KLRG1: variants seen among roughly 807,000 people sequenced by gnomAD.
KLRG1 encodes the protein killer cell lectin-like receptor subfamily G member 1.
A neutral mutation model predicts 21.8 loss-of-function variants in KLRG1; 16 were observed. The observed-to-expected ratio is 0.73, with a 90% CI of 0.50 to 1.11. The LOEUF is 1.11. Ranked by LOEUF, KLRG1 falls within the 50% of genes most tolerant of loss-of-function variation. The probability of loss-of-function intolerance (pLI) is 0.00; values close to 1 mark genes in which losing one functional copy is unlikely to be tolerated. For synonymous variants in KLRG1, 69 were observed against 75.9 expected, an observed-to-expected ratio of 0.91 and a Z score of 0.47; for missense variants, 173 against 218.3, an observed-to-expected ratio of 0.79 and a Z score of 1.31.
At chr12:8,950,737 C>T (rs1285542024) in intron 1 of KLRG1, among the ~76,000 whole-genome samples, 2 of 145,200 alleles carry the variant, frequency 1.4e-5, no homozygotes, top group Non-Finnish European at 1.5e-5. Flanking sequence ...CGGTGGTGCC[C>T]GGCACTTTTG....
the KLRG1 span, chr12:9,203,895 C>G: frequency 1.2e-6 from 2 of 1,614,062 alleles, no homozygotes; most frequent in Admixed American, 1.7e-5. Context: ...CAGAAGGACA[C>G]AGCCCTTCTT....
At chr12:9,030,129 A>G in the KLRG1 span, among the ~76,000 whole-genome samples, 1 of 152,304 alleles carries the variant, frequency 6.6e-6, no homozygotes, top group Admixed American at 6.5e-5. Context: ...TGTGATAACT[A>G]ACTTGGAAGA....
the KLRG1 span, among the ~76,000 whole-genome samples, chr12:9,018,067 A>T: frequency 6.6e-6 from 1 of 152,228 alleles, no homozygotes; most frequent in Non-Finnish European, 1.5e-5. Context: ...AGTGAAAACC[A>T]TACAGTGAAA....
the KLRG1 span, chr12:9,194,195 A>C: frequency 6.2e-7 from 1 of 1,614,056 alleles, no homozygotes; most frequent in Non-Finnish European, 8.5e-7. Flanking sequence ...GATGAAGAAG[A>C]GTTTATTGGG....
the KLRG1 span, chr12:9,149,435 G>T: frequency 1.1e-6 from 1 of 920,452 alleles, no homozygotes; most frequent in Non-Finnish European, 1.6e-6. Context: ...TTTTGTCTTG[G>T]TGTGAGGACA....
At chr12:8,985,783 A>C (rs781261972), upstream of KLRG1, among the ~76,000 whole-genome samples, 1 of 152,350 alleles carries the variant, frequency 6.6e-6, no homozygotes, top group African/African-American at 2.4e-5. Context: ...CCACAGGTTC[A>C]GTCATCTGGA....
chr12:9,102,253 G>A, the KLRG1 span, among the ~76,000 whole-genome samples: 1 of 151,990 alleles, frequency 6.6e-6, no homozygotes, highest in Non-Finnish European at 1.5e-5. Context: ...TTTTGCTCTG[G>A]CGCCCATGCT....
chr12:9,032,244 AC>A, the KLRG1 span, among the ~76,000 whole-genome samples: 1 of 152,210 alleles, frequency 6.6e-6, no homozygotes, highest in South Asian at 2.1e-4. Context: ...AAAGCTGAGA[AC>A]AATAGGTGTT....
chr12:9,020,975 C>T, the KLRG1 span, among the ~76,000 whole-genome samples: 1 of 152,140 alleles, frequency 6.6e-6, no homozygotes, highest in South Asian at 2.1e-4. Flanking sequence ...TCTTAGGCTG[C>T]AAACCTGCAC....
the KLRG1 span, chr12:9,115,692 T>G: frequency 0.013 from 14,725 of 1,133,252 alleles, 175 homozygotes; most frequent in Non-Finnish European, 0.016. Context: ...GAAAAAGGAA[T>G]GATATAAAGA....
the KLRG1 span, among the ~76,000 whole-genome samples, chr12:9,062,235 G>C: frequency 8.7e-6 from 1 of 115,492 alleles, no homozygotes; most frequent in Non-Finnish European, 1.7e-5. Flanking sequence ...ACAATAGATG[G>C]ATAATGTATC....
chr12:9,197,617 TTTATATATTATA>T, the KLRG1 span, among the ~76,000 whole-genome samples: 6 of 92,974 alleles, frequency 6.5e-5, no homozygotes, highest in East Asian at 8.4e-4. Flanking sequence ...ATATTATATA[TTTATATATTATA>T]TTATATATTA....
the KLRG1 span, among the ~76,000 whole-genome samples, chr12:9,198,540 T>C: frequency 6.6e-6 from 1 of 151,752 alleles, no homozygotes; most frequent in South Asian, 2.1e-4. Flanking sequence ...CTGACACACA[T>C]GCACAGAGAA....
chr12:9,072,670 C>G, the KLRG1 span: 1 of 1,614,188 alleles, frequency 6.2e-7, no homozygotes, highest in African/African-American at 1.3e-5. Flanking sequence ...TAGACACATC[C>G]TTCTCCTGTC....
the KLRG1 span, among the ~76,000 whole-genome samples, chr12:9,090,966 C>A: frequency 6.1e-4 from 93 of 152,120 alleles, no homozygotes; most frequent in Non-Finnish European, 1.2e-3. Flanking sequence ...TGACTTTTGT[C>A]ACCCCTGTCA....
chr12:9,083,835 G>A, the KLRG1 span, among the ~76,000 whole-genome samples: 1 of 149,762 alleles, frequency 6.7e-6, no homozygotes, highest in South Asian at 2.1e-4. Flanking sequence ...AGGCACAGAG[G>A]TCTCCAGTGA....
the KLRG1 span, among the ~76,000 whole-genome samples, chr12:9,178,506 GAA>G: frequency 1.3e-5 from 2 of 152,270 alleles, no homozygotes; most frequent in East Asian, 3.9e-4. Flanking sequence ...GTGAAAAGGT[GAA>G]AGTTCCCCAC....
chr12:9,014,827 A>G (rs1456249473), downstream of KLRG1, among the ~76,000 whole-genome samples: 2 of 152,166 alleles, frequency 1.3e-5, no homozygotes, highest in East Asian at 1.9e-4. Flanking sequence ...GTACAATAAC[A>G]TAAATAGAAA....
At chr12:8,953,650 T>G (rs1456419258) in intron 1 of KLRG1, among the ~76,000 whole-genome samples, 1 of 152,188 alleles carries the variant, frequency 6.6e-6, no homozygotes, top group African/African-American at 2.4e-5. Flanking sequence ...TTTGCATTTT[T>G]TTTGGATAGA....
Sources: gnomAD v4.1 joint callset for allele counts (sites outside exome capture counted in the v4.1 genomes callset) on GRCh38, gnomAD v4.1.1 for gene constraint, MANE v1.5 for transcripts, NCBI Gene and HGNC (gene_info 2026-07-23, HGNC 2026-07-21) for gene names.